Variants in CRTAM observed in about 807,000 individuals in gnomAD.
The protein encoded by CRTAM is cytotoxic and regulatory T cell molecule.
A neutral mutation model predicts 50.0 loss-of-function variants in CRTAM; 44 were observed. The observed-to-expected ratio is 0.88, with a 90% CI of 0.69 to 1.13. CRTAM has a LOEUF of 1.13. Ranked by LOEUF, CRTAM falls within the 50% of genes most tolerant of loss-of-function variation. The pLI is 0.00. For missense variants in CRTAM, 448 were observed against 457.5 expected (o/e 0.98, Z 0.19); for synonymous variants, 159 against 169.3 (o/e 0.94, Z 0.47).
chr11:122,856,534 A>G (rs1454618159), intron 5 of CRTAM, among the ~76,000 whole-genome samples: 1 of 152,264 alleles, frequency 6.6e-6, no homozygotes, highest in Admixed American at 6.5e-5. Flanking sequence ...GTCTGCAATT[A>G]GTAGGACTCT....
At position 122,868,059 on chromosome 11, in the gene CRTAM, A is replaced by G; in HGVS notation, c.1011A>G (p.Ser337=). 6.2e-7 allele frequency: 1 copy of G among 1,613,530 alleles called. No individual in the cohort carries two copies. The change falls in exon 9 of 10, where the codon TCA becomes TCG. Residue 337 remains serine (S), a synonymous_variant. Coordinates refer to ENST00000227348, the MANE Select transcript of CRTAM (RefSeq NM_019604.4). ...CACTAGAAAGTTACAGATCAAGGTC[A>G]AATAATGAAGAAACATCATCTGAAG... is the stretch of plus-strand genomic sequence containing the variant. The part of the protein sequence containing the change: ...EHTLESYRSR[S]NNEETSSEEK...
chr11:122,846,241 G>A (rs1215824643), intron 1 of CRTAM, among the ~76,000 whole-genome samples: 1 of 152,190 alleles, frequency 6.6e-6, no homozygotes, highest in African/African-American at 2.4e-5. Context: ...ATGCAAATAA[G>A]TTAGCATTTC....
At chr11:122,862,350 A>C (rs1057154538) in intron 5 of CRTAM, 114 bp from the exon 6 acceptor site, 2 of 718,984 alleles carry the variant, frequency 2.8e-6, no homozygotes, top group African/African-American at 3.5e-5. Flanking sequence ...GGGTTTCTGC[A>C]CAACCTCTAC....
In CRTAM at chr11:122,862,446, G is replaced by C; in HGVS notation, c.653-18G>C. 1 of 1,566,694 alleles carries C rather than the reference G, an allele frequency of 6.4e-7. No individual in the cohort carries two copies. Among genetic ancestry groups the C allele is most frequent in the Non-Finnish European group, 8.8e-7 (1 of 1,136,694 alleles). On this transcript the variant is annotated intron_variant, in intron 5 of 9. Transcript: ENST00000227348. ...CTGCTCTCTATAGTAGCAGAATTTT[G>C]TTTTTCCCCTTTCCTAGTTACTGAT...
intron 5 of CRTAM, among the ~76,000 whole-genome samples, chr11:122,860,942 C>G (rs544082876): frequency 3.9e-5 from 6 of 152,164 alleles, no homozygotes; most frequent in Non-Finnish European, 8.8e-5. Context: ...AGCAATCTGC[C>G]TGCCTCGGCC....
At chr11:122,843,835 C>A (rs963836732) in intron 1 of CRTAM, among the ~76,000 whole-genome samples, 1 of 152,226 alleles carries the variant, frequency 6.6e-6, no homozygotes, top group Non-Finnish European at 1.5e-5. Flanking sequence ...CCACCTTTAA[C>A]AAAACTACAG....
intron 4 of CRTAM, among the ~76,000 whole-genome samples, chr11:122,855,375 A>G (rs1443226819): frequency 6.6e-6 from 1 of 152,244 alleles, no homozygotes; most frequent in Non-Finnish European, 1.5e-5. Context: ...ACTTCATTAT[A>G]AGACTTCCCT....
chr11:122,845,647 C>T (rs1218396565), intron 1 of CRTAM, among the ~76,000 whole-genome samples: 1 of 152,008 alleles, frequency 6.6e-6, no homozygotes, highest in Non-Finnish European at 1.5e-5. Context: ...GTGGAGGTTG[C>T]AGTGAGCTGA....
chr11:122,839,154 A>G lies in CRTAM; in HGVS notation c.46+562A>G, dbSNP rs183987835. Among the ~76,000 whole-genome samples, 524 of 152,086 alleles carry G rather than the reference A, an allele frequency of 3.4e-3. 3 individuals are homozygous for G. Among genetic ancestry groups the G allele is most frequent in the African/African-American group, 0.012 (489 of 41,460 alleles). On this transcript the variant is annotated intron_variant, in intron 1 of 9. Transcript: ENST00000227348. ...TCACCGTGTTAGCCAGGATGGTCTCAATCTCCTGACCTCGTGATCTGCCCA... is the reference window on the plus strand; with the variant it reads ...TCACCGTGTTAGCCAGGATGGTCTCGATCTCCTGACCTCGTGATCTGCCCA...
At chr11:122,865,630 C>T (rs569091924) in intron 7 of CRTAM, among the ~76,000 whole-genome samples, 3 of 152,218 alleles carry the variant, frequency 2.0e-5, no homozygotes, top group South Asian at 4.2e-4. Context: ...TCCTCCTCAG[C>T]ATTGCTCCCA....
chr11:122,839,236 C>T (rs1384058794), intron 1 of CRTAM, among the ~76,000 whole-genome samples: 6 of 152,152 alleles, frequency 3.9e-5, no homozygotes, highest in Non-Finnish European at 8.8e-5. Context: ...CCGGCCTCCA[C>T]GTTGAATTTT....
At chr11:122,866,515 G>T (rs760020855) in intron 7 of CRTAM, among the ~76,000 whole-genome samples, 1 of 151,998 alleles carries the variant, frequency 6.6e-6, no homozygotes, top group Non-Finnish European at 1.5e-5. Flanking sequence ...CACATAGCTG[G>T]CACTCCTTAA....
intron 5 of CRTAM, among the ~76,000 whole-genome samples, chr11:122,861,500 A>G (rs1038003849): frequency 8.5e-5 from 11 of 129,720 alleles, no homozygotes; most frequent in African/African-American, 3.2e-4. Context: ...CAGTGGTGCC[A>G]TCTTGGCTCA....
intron 5 of CRTAM, 174 bp from the exon 6 acceptor site, chr11:122,862,290 G>C: frequency 1.6e-6 from 1 of 609,412 alleles, no homozygotes; most frequent in South Asian, 2.0e-5. Context: ...GACACTCAGT[G>C]GGATACAGAT....
At chr11:122,865,187 C>A (rs1318964673) in intron 7 of CRTAM, among the ~76,000 whole-genome samples, 4 of 152,074 alleles carry the variant, frequency 2.6e-5, no homozygotes, top group South Asian at 4.1e-4. Flanking sequence ...CAGGCACACG[C>A]CACCACCCCA....
chr11:122,850,044 A>G (rs1243708504), intron 1 of CRTAM, 24 bp from the exon 2 acceptor site: 1 of 1,572,190 alleles, frequency 6.4e-7, no homozygotes, highest in African/African-American at 1.4e-5. Flanking sequence ...CGGCCTGATC[A>G]TCCCCATTTC....
At chr11:122,858,648 G>A (rs539948742) in intron 5 of CRTAM, among the ~76,000 whole-genome samples, 2 of 152,224 alleles carry the variant, frequency 1.3e-5, no homozygotes, top group Admixed American at 1.3e-4. Flanking sequence ...TCCCACCTCA[G>A]TCTCCTGGGT....
At position 122,851,689 on chromosome 11, in the gene CRTAM, A is replaced by C. The variant is rs1479557366; in HGVS notation, c.194-4A>C. 5.6e-6 allele frequency: 9 copies of C among 1,613,972 alleles called. No homozygotes were observed. The highest frequency in any genetic ancestry group is 7.6e-6 in the Non-Finnish European group (9 of 1,179,846). On this transcript the variant is annotated splice_polypyrimidine_tract_variant and splice_region_variant and intron_variant, in intron 2 of 9. Transcript: ENST00000227348. ...CATAACAGCTCTATTTCCCTCTTGT[A>C]CAGCTTTAAAAAATTCCAAATACCA...
At position 122,871,615 on chromosome 11, in the gene CRTAM, A is replaced by G; in HGVS notation, c.*216A>G. 1 of 348,324 alleles carries G rather than the reference A, an allele frequency of 2.9e-6. No individual in the cohort carries two copies. The highest frequency in any genetic ancestry group is 5.1e-6 in the Non-Finnish European group (1 of 194,806). 21.6% of individuals were successfully genotyped at this position (348,324 alleles called of 1,614,324 possible). The stretch of plus-strand genomic sequence containing the variant: ...CTTGTAGTTTAAAAAAGAAAAGCAA[A>G]AAAATAATTATGCCTGACACTACTT... On this transcript the variant is annotated 3_prime_UTR_variant, in exon 10 of 10. Coordinates refer to ENST00000227348, the MANE Select transcript of CRTAM (RefSeq NM_019604.4).
Sources: gnomAD v4.1 joint callset for allele counts (sites outside exome capture counted in the v4.1 genomes callset) on GRCh38, gnomAD v4.1.1 for gene constraint, MANE v1.5 for transcripts, NCBI Gene and HGNC (gene_info 2026-07-23, HGNC 2026-07-21) for gene names.